MYZAP: variants seen among roughly 807,000 people sequenced by gnomAD.
MYZAP encodes the protein myocardial zonula adherens protein.
Under a neutral mutation model 69.4 loss-of-function variants are expected in MYZAP, and 66 were observed. That is an observed-to-expected ratio of 0.95 (90% confidence interval 0.78 to 1.17). The LOEUF is 1.17. MYZAP is among the 50% of genes most tolerant of loss of function. The probability of loss-of-function intolerance (pLI) is 0.00; values close to 1 mark genes in which losing one functional copy is unlikely to be tolerated. For synonymous variants in MYZAP, 256 were observed against 205.9 expected (o/e 1.24, Z -2.09); for missense variants, 611 against 556.2 (o/e 1.10, Z -0.99).
In MYZAP at chr15:57,654,002, CAAAAAAAAAAA is replaced by C. The variant is rs398043344; in HGVS notation, c.1120-7428_1120-7418del. 8.0e-4 allele frequency among the ~76,000 whole-genome samples: 29 copies of C among 36,090 alleles called. 1 individual carries two copies. In the South Asian group the frequency reaches 0.025, roughly 32 times the overall value. The allele number at this position is 36,090 out of a possible 152,430, so 23.7% of individuals were successfully genotyped here. ...CCTGGGTTACAGAGGCAAACGCTGT[CAAAAAAAAAAA>C]AAAAAAAAAAAAAAAAAAAGTCCCT... On this transcript the variant is annotated intron_variant, in intron 10 of 12. Transcript: ENST00000267853.
chr15:57,632,421 A>C lies in MYZAP; in HGVS notation c.679-13A>C, dbSNP rs1380213934. The C allele has an allele frequency of 2.5e-6, 4 of 1,613,960 alleles. No homozygotes were observed. Among genetic ancestry groups the C allele is most frequent in the Non-Finnish European group, 3.4e-6 (4 of 1,179,946 alleles). On this transcript the variant is annotated splice_polypyrimidine_tract_variant and intron_variant, in intron 6 of 12. Coordinates refer to ENST00000267853, the MANE Select transcript of MYZAP (RefSeq NM_001018100.5). ...CTGCAAAAGCTGTCGTTCTGAAATG[A>C]GTCTCGTTGTAGGTGGAATCGTCCC...
In MYZAP at chr15:57,618,377, A is replaced by G. The variant is rs548882863; in HGVS notation, c.318+189A>G. ...AAGTACAGATGTAAATCTGCAAGGA[A>G]GGAAAGGTTGAGCTTCTGCTGGATG... is the stretch of plus-strand genomic sequence containing the variant. On this transcript the variant is annotated intron_variant, in intron 3 of 12. Transcript: ENST00000267853. Among the ~76,000 whole-genome samples the G allele has an allele frequency of 1.3e-5, 2 of 152,374 alleles. 1 individual carries two copies. The highest frequency in any genetic ancestry group is 4.1e-4 in the South Asian group (2 of 4,828).
chr15:57,612,859 G>C (rs1773402564), intron 2 of MYZAP, among the ~76,000 whole-genome samples: 1 of 152,166 alleles, frequency 6.6e-6, no homozygotes, highest in African/African-American at 2.4e-5. Flanking sequence ...TGTGTTGGGA[G>C]TATGGAATGC....
chr15:57,632,348 G>A, intron 6 of MYZAP, 86 bp from the exon 7 acceptor site: 1 of 1,585,668 alleles, frequency 6.3e-7, no homozygotes, highest in South Asian at 1.2e-5. Context: ...CTACCTCTGT[G>A]AGTCCCCACA....
At chr15:57,613,184 G>A (rs1053911856) in intron 2 of MYZAP, among the ~76,000 whole-genome samples, 5 of 152,078 alleles carry the variant, frequency 3.3e-5, no homozygotes, top group Admixed American at 6.5e-5. Context: ...CACCTGCCTC[G>A]GCCTCCCAAA....
intron 3 of MYZAP, among the ~76,000 whole-genome samples, chr15:57,618,802 C>A (rs1470417660): frequency 2.6e-5 from 4 of 152,162 alleles, no homozygotes; most frequent in Non-Finnish European, 2.9e-5. Context: ...CTCTCCATTT[C>A]TTTTCATTCC....
rs768883780 is a variant in MYZAP, at chr15:57,637,747, G to T, written c.986G>T (p.Gly329Val). The part of the protein sequence containing the change: ...QLLEHETEMS[G>V]ELTDSDKERY... The stretch of plus-strand genomic sequence containing the variant: ...CTAGAACATGAAACAGAAATGTCTG[G>T]GGAGTTAACTGATTCTGACAAGGAA... The change falls in exon 9 of 13, where the codon GGG becomes GTG. Residue 329 changes from glycine (G) to valine (V), a missense_variant. Gly to Val is a moderately radical substitution (Grantham distance 109, BLOSUM62 -3). Transcript: ENST00000267853. 9 of 1,612,468 alleles carry T rather than the reference G, an allele frequency of 5.6e-6. No homozygotes were observed. The highest frequency in any genetic ancestry group is 6.8e-6 in the Non-Finnish European group (8 of 1,179,262).
At chr15:57,679,479 A>G (rs2039322592) in intron 12 of MYZAP, among the ~76,000 whole-genome samples, 3 of 151,766 alleles carry the variant, frequency 2.0e-5, no homozygotes, top group Admixed American at 2.0e-4. Flanking sequence ...ACCTCCTTAG[A>G]GCAATGCTTG....
rs550601065 is a variant in MYZAP at position 57,650,088 on chromosome 15, A to G, written c.1119+10543A>G. On this transcript the variant is annotated intron_variant, in intron 10 of 12. Transcript: ENST00000267853. Reference sequence around the variant, plus strand: ...ATCCATGTAGAATTTATTTTTGTGTATCATATGAATAGGACTCCTTTTATT... The same window carrying G: ...ATCCATGTAGAATTTATTTTTGTGTGTCATATGAATAGGACTCCTTTTATT... Among the ~76,000 whole-genome samples, 4 of 152,314 alleles carry G rather than the reference A, an allele frequency of 2.6e-5. No individual in the cohort carries two copies. The East Asian group carries it at 7.7e-4, about 29-fold the overall frequency.
At chr15:57,614,905 A>G (rs1173355971) in intron 2 of MYZAP, among the ~76,000 whole-genome samples, 1 of 152,120 alleles carries the variant, frequency 6.6e-6, no homozygotes, top group Non-Finnish European at 1.5e-5. Flanking sequence ...ATTTTATTAT[A>G]TATTATATGT....
intron 2 of MYZAP, among the ~76,000 whole-genome samples, chr15:57,606,622 A>G (rs574386321): frequency 2.6e-5 from 4 of 151,994 alleles, no homozygotes; most frequent in Admixed American, 2.6e-4. Flanking sequence ...AGATATACCT[A>G]ATGCTAAATG....
rs186940029 is a variant in MYZAP, at chr15:57,621,336, G to A, written c.319-272G>A. Among the ~76,000 whole-genome samples the A allele has an allele frequency of 7.2e-3, 1,080 of 150,458 alleles. 13 individuals carry two copies. Among genetic ancestry groups the A allele is most frequent in the African/African-American group, 0.026 (1,048 of 40,946 alleles). On this transcript the variant is annotated intron_variant, in intron 3 of 12. Coordinates refer to ENST00000267853, the MANE Select transcript of MYZAP (RefSeq NM_001018100.5). The stretch of plus-strand genomic sequence containing the variant: ...CGTAATTCTTCTGCCTCAGCCTCCC[G>A]AGTAGCTGGGACTACAGGTGCCCAC...
At chr15:57,623,105 T>G (rs1318836107) in intron 4 of MYZAP, among the ~76,000 whole-genome samples, 1 of 152,194 alleles carries the variant, frequency 6.6e-6, no homozygotes, top group Non-Finnish European at 1.5e-5. Context: ...CCTCACCTCA[T>G]CGTAAGATAA....
chr15:57,678,763 A>G (rs1263609792), intron 12 of MYZAP, among the ~76,000 whole-genome samples: 1 of 152,092 alleles, frequency 6.6e-6, no homozygotes, highest in East Asian at 1.9e-4. Context: ...GTCTTATTGT[A>G]GAATAGCATG....
chr15:57,626,046 G>A (rs1267178037), intron 5 of MYZAP, among the ~76,000 whole-genome samples, 154 bp downstream of exon 5: 1 of 152,240 alleles, frequency 6.6e-6, no homozygotes, highest in African/African-American at 2.4e-5. Context: ...AGAAGACAGT[G>A]TAGGAAACTG....
intron 3 of MYZAP, among the ~76,000 whole-genome samples, chr15:57,620,907 A>G (rs2433202): frequency 0.025 from 3,863 of 151,834 alleles, 161 homozygotes; most frequent in African/African-American, 0.087. Context: ...GAATTTCAAC[A>G]AACCATTTTT....
At chr15:57,627,191 C>T (rs1440267825) in intron 5 of MYZAP, among the ~76,000 whole-genome samples, 1 of 152,068 alleles carries the variant, frequency 6.6e-6, no homozygotes, top group Non-Finnish European at 1.5e-5. Context: ...AATTCTTGTG[C>T]TTTGCCATCT....
intron 7 of MYZAP, 127 bp downstream of exon 7, chr15:57,632,686 A>C: frequency 3.4e-6 from 5 of 1,458,142 alleles, no homozygotes; most frequent in Non-Finnish European, 2.7e-6. Context: ...GTAAGGGATC[A>C]AGGAATTATT....
chr15:57,647,860 C>T (rs541145932), intron 10 of MYZAP: 59 of 985,422 alleles, frequency 6.0e-5, no homozygotes, highest in African/African-American at 3.1e-4. Context: ...TCACCTCTTT[C>T]CTGCCTGTAC....
Sources: gnomAD v4.1 joint callset for allele counts (sites outside exome capture counted in the v4.1 genomes callset) on GRCh38, gnomAD v4.1.1 for gene constraint, MANE v1.5 for transcripts, NCBI Gene and HGNC (gene_info 2026-07-23, HGNC 2026-07-21) for gene names.